Variants in DOCK8 observed in about 807,000 individuals in gnomAD.
The protein encoded by DOCK8 is dedicator of cytokinesis protein 8.
A neutral mutation model predicts 245.6 loss-of-function variants in DOCK8; 141 were observed. That is an observed-to-expected ratio of 0.57 (90% confidence interval 0.50 to 0.66). The LOEUF is 0.66. DOCK8 is among the 30% of genes least tolerant of loss of function. The pLI, the probability that DOCK8 is intolerant of heterozygous loss-of-function variation, is 0.00. For missense variants in DOCK8, 2,965 were observed against 2,603.4 expected, an observed-to-expected ratio of 1.14 and a Z score of -3.02; for synonymous variants, 1,168 against 970.2, an observed-to-expected ratio of 1.20 and a Z score of -3.79.
At chr9:383,566 G>A (rs947467962) in intron 22 of DOCK8, among the ~76,000 whole-genome samples, 1 of 152,132 alleles carries the variant, frequency 6.6e-6, no homozygotes, top group Non-Finnish European at 1.5e-5. Flanking sequence ...TGGGCATGGT[G>A]GCGGGTCCCT....
chr9:381,056 G>C (rs1455835291), intron 21 of DOCK8: 2 of 152,384 alleles, frequency 1.3e-5, no homozygotes, highest in African/African-American at 2.4e-5. Context: ...AGCTATGATT[G>C]CACCACTGCA....
chr9:299,437 G>A (rs2049423744), intron 4 of DOCK8, among the ~76,000 whole-genome samples: 1 of 151,966 alleles, frequency 6.6e-6, no homozygotes, highest in African/African-American at 2.4e-5. Flanking sequence ...AATTTTTTGT[G>A]TTTTTTGTAG....
intron 14 of DOCK8, among the ~76,000 whole-genome samples, chr9:360,121 G>C (rs922264745): frequency 6.6e-6 from 1 of 151,926 alleles, no homozygotes. Flanking sequence ...TTCGACACCA[G>C]CCTGGCCAAC....
Position 370,309 on chromosome 9 carries a change from A to T in DOCK8, c.1868+9A>T, listed in dbSNP as rs370471790. On this transcript the variant is annotated intron_variant, in intron 16 of 47. Coordinates refer to ENST00000432829, the MANE Select transcript of DOCK8 (RefSeq NM_203447.4). Reference sequence around the variant, plus strand: ...GTTACATACCATAATAAGTAAGTCTATTTCAGCATTCTAAATATATGCCAA... The same window carrying T: ...GTTACATACCATAATAAGTAAGTCTTTTTCAGCATTCTAAATATATGCCAA... 8.7e-6 allele frequency: 14 copies of T among 1,612,552 alleles called. No individual in the cohort carries two copies. In the Admixed American group the frequency reaches 1.3e-4, roughly 15 times the overall value.
At chr9:214,273 T>G, upstream of DOCK8, 1 of 510,008 alleles carries the variant, frequency 2.0e-6, no homozygotes, top group Non-Finnish European at 3.4e-6. Flanking sequence ...AACGCCGCCT[T>G]CAGTGTTTCT....
chr9:298,708 G>T (rs554630226), intron 4 of DOCK8, among the ~76,000 whole-genome samples: 1 of 151,396 alleles, frequency 6.6e-6, no homozygotes, highest in East Asian at 1.9e-4. Flanking sequence ...GGAAATAGCC[G>T]CATTTTATTA....
chr9:332,614 A>T (rs2051070462), intron 10 of DOCK8, 136 bp downstream of exon 10: 3 of 584,194 alleles, frequency 5.1e-6, no homozygotes, highest in Non-Finnish European at 3.0e-6. Flanking sequence ...TTAATTAAAT[A>T]AAAGAGGAAA....
At chr9:228,944 G>A (rs887979104) in intron 1 of DOCK8, among the ~76,000 whole-genome samples, 1 of 152,072 alleles carries the variant, frequency 6.6e-6, no homozygotes, top group African/African-American at 2.4e-5. Flanking sequence ...CTCTTCACAC[G>A]GTCTCTTGTT....
chr9:426,492 G>C (rs907297948), intron 33 of DOCK8, among the ~76,000 whole-genome samples: 13 of 152,198 alleles, frequency 8.5e-5, no homozygotes, highest in Non-Finnish European at 1.8e-4. Context: ...ATGTTGCAGG[G>C]GCTTCCCCTT....
At chr9:339,649 G>C (rs997262507) in intron 13 of DOCK8, among the ~76,000 whole-genome samples, 2 of 152,142 alleles carry the variant, frequency 1.3e-5, no homozygotes, top group South Asian at 2.1e-4. Flanking sequence ...CGAGTAGCTG[G>C]GACTACAGGT....
chr9:344,587 C>T (rs1042258360), intron 14 of DOCK8, among the ~76,000 whole-genome samples: 36 of 152,126 alleles, frequency 2.4e-4, no homozygotes, highest in African/African-American at 8.7e-4. Flanking sequence ...TGTCCATTTT[C>T]CTCTCTTTTT....
intron 6 of DOCK8, among the ~76,000 whole-genome samples, chr9:315,591 G>C (rs921943030): frequency 6.6e-6 from 1 of 152,150 alleles, no homozygotes; most frequent in African/African-American, 2.4e-5. Flanking sequence ...TTAAAGATAT[G>C]TACTGAAATA....
In DOCK8 at chr9:215,001, C is replaced by G; in HGVS notation, c.25C>G (p.Arg9Gly). The G allele has an allele frequency of 6.3e-7, 1 of 1,595,800 alleles. No homozygotes were observed. The highest frequency in any genetic ancestry group is 8.5e-7 in the Non-Finnish European group (1 of 1,175,448). Residue 9 changes from arginine to glycine, a missense_variant, in exon 1 of 48, where the codon CGC becomes GGC. Transcript: ENST00000432829. MATLPSAERRAFALKINRY... is the reference protein window; with the variant it reads MATLPSAEGRAFALKINRY... The stretch of plus-strand genomic sequence containing the variant: ...CATGGCCACTCTGCCGAGCGCAGAG[C>G]GCCGCGCGTTCGCGCTCAAGATCAA...
intron 24 of DOCK8, among the ~76,000 whole-genome samples, chr9:393,740 C>T (rs982800940): frequency 5.3e-5 from 8 of 152,206 alleles, no homozygotes; most frequent in African/African-American, 1.9e-4. Flanking sequence ...GGTTTGTCAA[C>T]ATGCAGATCA....
At chr9:219,925 T>C (rs2046845895) in intron 1 of DOCK8, among the ~76,000 whole-genome samples, 1 of 152,154 alleles carries the variant, frequency 6.6e-6, no homozygotes, top group Non-Finnish European at 1.5e-5. Flanking sequence ...CCAATAATTT[T>C]GGGCATAACG....
intron 9 of DOCK8, 119 bp downstream of exon 9, chr9:328,290 T>C: frequency 7.5e-7 from 1 of 1,324,538 alleles, no homozygotes; most frequent in Admixed American, 2.0e-5. Context: ...AGATTCACTT[T>C]GTTTCCTTCT....
intron 26 of DOCK8, among the ~76,000 whole-genome samples, chr9:400,133 T>TCAC (rs1194316096): frequency 3.2e-3 from 92 of 29,066 alleles, no homozygotes; most frequent in Non-Finnish European, 1.4e-3. Flanking sequence ...ATCTTCACCA[T>TCAC]CACCACCACC....
At chr9:283,325 G>A (rs115705551) in intron 2 of DOCK8, among the ~76,000 whole-genome samples, 2,838 of 152,238 alleles carry the variant, frequency 0.019, 87 homozygotes, top group African/African-American at 0.065. Flanking sequence ...CCTCCATGAC[G>A]CCACAAGTGG....
Position 420,916 on chromosome 9 carries a change from A to G in DOCK8, c.4024-33A>G, listed in dbSNP as rs181216847. 4,327 of 1,614,064 alleles carry G rather than the reference A, an allele frequency of 2.7e-3. 12 individuals carry two copies. Among genetic ancestry groups the G allele is most frequent in the Non-Finnish European group, 3.3e-3 (3,858 of 1,179,946 alleles). On this transcript the variant is annotated intron_variant, in intron 31 of 47. Coordinates refer to ENST00000432829, the MANE Select transcript of DOCK8 (RefSeq NM_203447.4). ...CTCCCCATCAACGGAGATCTCACCA[A>G]AGGACATGTCCTCCTACCTCTGTCT...
Sources: gnomAD v4.1 joint callset for allele counts (sites outside exome capture counted in the v4.1 genomes callset) on GRCh38, gnomAD v4.1.1 for gene constraint, MANE v1.5 for transcripts, NCBI Gene and HGNC (gene_info 2026-07-23, HGNC 2026-07-21) for gene names.